The following TENM3 variants were observed in gnomAD, a reference collection of about 807,000 sequenced individuals.
The protein encoded by TENM3 is teneurin transmembrane protein 3, also known as teneurin-3.
Under a neutral mutation model 255.1 loss-of-function variants are expected in TENM3, and 63 were observed. The ratio of observed to expected loss-of-function variants is 0.25; its 90% CI spans 0.20 to 0.30. The LOEUF (loss-of-function observed/expected upper bound fraction) is 0.30. Among genes scored for constraint, TENM3 ranks in the 10% least tolerant of loss-of-function variants. The probability of loss-of-function intolerance (pLI) is 1.00; values close to 1 mark genes in which losing one functional copy is unlikely to be tolerated. For synonymous variants in TENM3, 1,306 were observed against 1,322.3 expected (o/e 0.99, Z 0.27); for missense variants, 2,929 against 3,461.1 (o/e 0.85, Z 3.86).
the TENM3 span, among the ~76,000 whole-genome samples, chr4:182,006,736 C>T: frequency 6.6e-6 from 1 of 150,506 alleles, no homozygotes; most frequent in Admixed American, 6.6e-5. Flanking sequence ...TCTTTCAATT[C>T]TTCTTTGATC....
chr4:181,809,368 C>G, the TENM3 span, among the ~76,000 whole-genome samples: 1 of 152,086 alleles, frequency 6.6e-6, no homozygotes, highest in African/African-American at 2.4e-5. Context: ...TGAGTAACGT[C>G]AAGTATATTT....
At chr4:182,074,351 A>G in the TENM3 span, among the ~76,000 whole-genome samples, 3,738 of 152,248 alleles carry the variant, frequency 0.025, 166 homozygotes, top group African/African-American at 0.085. Flanking sequence ...GAGTGGCAAT[A>G]GATGAACTGT....
At chr4:182,472,055 A>AT (rs142844667) in intron 3 of TENM3, among the ~76,000 whole-genome samples, 3,564 of 152,182 alleles carry the variant, frequency 0.023, 136 homozygotes, top group African/African-American at 0.078. Flanking sequence ...ATTTCAAGGG[A>AT]TTTTTGTCTT....
chr4:181,700,189 C>G, the TENM3 span, among the ~76,000 whole-genome samples: 1 of 151,268 alleles, frequency 6.6e-6, no homozygotes, highest in Non-Finnish European at 1.5e-5. Context: ...TTGAAGTGAA[C>G]GTCAGCATTT....
At chr4:181,505,835 T>A in the TENM3 span, among the ~76,000 whole-genome samples, 1 of 152,214 alleles carries the variant, frequency 6.6e-6, no homozygotes, top group Non-Finnish European at 1.5e-5. Context: ...AAACATCAGC[T>A]ATCCCAAAAC....
chr4:182,143,554 G>A (rs1184369855), upstream of TENM3: 1 of 166,934 alleles, frequency 6.0e-6, no homozygotes, highest in Non-Finnish European at 1.5e-5. The surrounding 1 kb of genome is among the most constrained non-coding windows in gnomAD (Gnocchi z 4.3). Flanking sequence ...CCCTACGGAA[G>A]ATCAAGAAAA....
chr4:181,889,407 G>A, the TENM3 span, among the ~76,000 whole-genome samples: 2 of 152,066 alleles, frequency 1.3e-5, no homozygotes, highest in Non-Finnish European at 2.9e-5. Context: ...GCACCACCCT[G>A]CCCATAGAGC....
chr4:182,691,183 A>G lies in TENM3; in HGVS notation c.2221+2832A>G, dbSNP rs571339481. ...GAGCCACAGATTAAACACCCAGGAAACTCTGGTGTGTTTTCTCACTTGGGA... is the reference window on the plus strand; with the variant it reads ...GAGCCACAGATTAAACACCCAGGAAGCTCTGGTGTGTTTTCTCACTTGGGA... On this transcript the variant is annotated intron_variant, in intron 12 of 27. Coordinates refer to ENST00000511685, the MANE Select transcript of TENM3 (RefSeq NM_001080477.4). Among the ~76,000 whole-genome samples, 623 of 152,114 alleles carry G rather than the reference A, an allele frequency of 4.1e-3. 2 individuals carry two copies. The highest frequency in any genetic ancestry group is 0.014 in the African/African-American group (595 of 41,488).
intron 3 of TENM3, among the ~76,000 whole-genome samples, chr4:182,474,202 A>G (rs530473581): frequency 6.6e-6 from 1 of 152,188 alleles, no homozygotes; most frequent in Non-Finnish European, 1.5e-5. Flanking sequence ...CCCCTTAGAA[A>G]TTTTTTACTC....
chr4:181,976,539 G>A, the TENM3 span: 2 of 152,242 alleles, frequency 1.3e-5, no homozygotes, highest in Admixed American at 1.3e-4. Context: ...AATCCTACCT[G>A]TAACAGAGAA....
At chr4:182,417,802 G>C (rs765234251) in intron 3 of TENM3, among the ~76,000 whole-genome samples, 6 of 152,154 alleles carry the variant, frequency 3.9e-5, no homozygotes, top group Non-Finnish European at 8.8e-5. Flanking sequence ...AAGCCAGGAA[G>C]AGCCCATCAT....
At chr4:181,849,663 A>G in the TENM3 span, among the ~76,000 whole-genome samples, 1 of 152,208 alleles carries the variant, frequency 6.6e-6, no homozygotes, top group Admixed American at 6.5e-5. Context: ...TCATCCTTCA[A>G]GTTGATGTAT....
intron 3 of TENM3, among the ~76,000 whole-genome samples, chr4:182,384,505 G>C (rs1360030664): frequency 6.6e-6 from 1 of 152,076 alleles, no homozygotes; most frequent in East Asian, 1.9e-4. Flanking sequence ...AGTAGCCCTT[G>C]AACAAGCTGG....
At chr4:182,455,098 A>G (rs1391600700) in intron 3 of TENM3, among the ~76,000 whole-genome samples, 1 of 152,240 alleles carries the variant, frequency 6.6e-6, no homozygotes, top group Non-Finnish European at 1.5e-5. Context: ...GCTATGAATT[A>G]TGTAACACTA....
the TENM3 span, among the ~76,000 whole-genome samples, chr4:181,600,666 T>C: frequency 6.7e-6 from 1 of 150,000 alleles, no homozygotes; most frequent in Non-Finnish European, 1.5e-5. Flanking sequence ...TGGGAGCCAT[T>C]CTTTCTTTGA....
In TENM3 at chr4:182,673,179, G is replaced by A. The variant is rs751390045; in HGVS notation, c.1286G>A (p.Gly429Glu). 3.1e-6 allele frequency: 5 copies of A among 1,613,734 alleles called. No homozygotes were observed. Among genetic ancestry groups the A allele is most frequent in the Non-Finnish European group, 4.2e-6 (5 of 1,179,742 alleles). The stretch of plus-strand genomic sequence containing the variant: ...TCTCTTCAGAAGGATGCATTGATTG[G>A]AGTATATGGCCGGAAAGGCTTACCG... ...NISLQKDALI[G>E]VYGRKGLPPS... The change falls in exon 7 of 28, where the codon GGA becomes GAA. Residue 429 changes from glycine to glutamate, a missense_variant. Gly to Glu is a moderately conservative substitution (Grantham distance 98). This residue lies in a region of TENM3 where 1,608 missense variants were observed against 1,884.4 expected (regional missense o/e 0.85). Coordinates refer to ENST00000511685, the MANE Select transcript of TENM3 (RefSeq NM_001080477.4).
the TENM3 span, among the ~76,000 whole-genome samples, chr4:182,022,177 A>C: frequency 2.6e-5 from 4 of 152,040 alleles, no homozygotes; most frequent in Non-Finnish European, 5.9e-5. Flanking sequence ...GGATAAAAAA[A>C]AAAAAAATGT....
intron 3 of TENM3, among the ~76,000 whole-genome samples, chr4:182,547,728 G>A (rs539209266): frequency 6.6e-6 from 1 of 152,220 alleles, no homozygotes; most frequent in African/African-American, 2.4e-5. Flanking sequence ...TTCATAGTTT[G>A]ACTAAACTAT....
chr4:181,467,315 A>T, the TENM3 span, among the ~76,000 whole-genome samples: 1 of 149,570 alleles, frequency 6.7e-6, no homozygotes, highest in Non-Finnish European at 1.5e-5. Context: ...TGTACGTTTT[A>T]GTAGAGACGG....
Sources: allele counts gnomAD v4.1 joint callset (sites outside exome capture counted in the v4.1 genomes callset), GRCh38; gene constraint gnomAD v4.1.1; regional missense constraint gnomAD v4.1.1; non-coding constraint Gnocchi (gnomAD v3.1); transcripts MANE v1.5; gene names NCBI Gene and HGNC (gene_info 2026-07-23, HGNC 2026-07-21).